The following UNC79 variants were observed in gnomAD, a reference collection of about 807,000 sequenced individuals.
UNC79 encodes the protein unc-79 subunit of NALCN channel complex, also known as protein unc-79 homolog.
In UNC79, 37 loss-of-function variants were observed where a neutral mutation model predicts 283.1. The observed-to-expected ratio is 0.13, with a 90% CI of 0.10 to 0.17. The LOEUF is 0.17. Ranked by LOEUF, UNC79 falls within the 10% of genes least tolerant of loss-of-function variation. The pLI, the probability that UNC79 is intolerant of heterozygous loss-of-function variation, is 1.00. For synonymous variants in UNC79, 1,107 were observed against 1,200.2 expected, an observed-to-expected ratio of 0.92 and a Z score of 1.61; for missense variants, 2,272 against 3,211.1, an observed-to-expected ratio of 0.71 and a Z score of 7.07.
chr14:93,476,441 A>G (rs1595566415), intron 3 of UNC79, among the ~76,000 whole-genome samples: 1 of 152,314 alleles, frequency 6.6e-6, no homozygotes, highest in East Asian at 1.9e-4. Flanking sequence ...AATTCTTAGT[A>G]AAACACCTGT....
At chr14:93,647,638 G>A (rs535224795) in intron 35 of UNC79, among the ~76,000 whole-genome samples, 17 of 152,246 alleles carry the variant, frequency 1.1e-4, no homozygotes, top group African/African-American at 2.9e-4. Context: ...AGATGAGAGG[G>A]AAGAGGCAGT....
chr14:93,525,729 A>G (rs554553374), intron 8 of UNC79, among the ~76,000 whole-genome samples: 100 of 152,202 alleles, frequency 6.6e-4, no homozygotes, highest in African/African-American at 2.3e-3. Context: ...GGTCACCCAG[A>G]CATCAACATG....
intron 7 of UNC79, among the ~76,000 whole-genome samples, chr14:93,516,079 A>G (rs1291394943): frequency 2.0e-5 from 3 of 151,928 alleles, no homozygotes; most frequent in Non-Finnish European, 2.9e-5. Context: ...TTTCAGTTCA[A>G]TTTGTTGAAA....
chr14:93,525,698 A>C (rs1395466464), intron 8 of UNC79, among the ~76,000 whole-genome samples: 1 of 152,014 alleles, frequency 6.6e-6, no homozygotes, highest in African/African-American at 2.4e-5. Flanking sequence ...CCTCCTGCCT[A>C]AGTTATAGCT....
chr14:93,365,404 A>AAT (rs71129632), intron 1 of UNC79, among the ~76,000 whole-genome samples: 44 of 148,012 alleles, frequency 3.0e-4, no homozygotes, highest in Non-Finnish European at 5.5e-4. Flanking sequence ...AAAAAAAAAA[A>AAT]TGTGATCAGA....
intron 1 of UNC79, among the ~76,000 whole-genome samples, chr14:93,364,376 C>A (rs1267481647): frequency 1.3e-5 from 2 of 151,896 alleles, no homozygotes; most frequent in South Asian, 2.1e-4. Flanking sequence ...ACTTGCTTTG[C>A]TCAATGTTAT....
chr14:93,400,880 A>G (rs984203226), intron 1 of UNC79, among the ~76,000 whole-genome samples: 1 of 152,222 alleles, frequency 6.6e-6, no homozygotes, highest in African/African-American at 2.4e-5. Context: ...ATTCTGAAAG[A>G]GACAAGACAG....
intron 1 of UNC79, among the ~76,000 whole-genome samples, chr14:93,466,524 A>G (rs1275641480): frequency 2.6e-5 from 4 of 152,210 alleles, no homozygotes; most frequent in Admixed American, 6.5e-5. Context: ...TTATGGGAAG[A>G]GGTCTCTAAG....
rs144063712 is a variant in UNC79, at chr14:93,444,031, C to A, written c.22+12980C>A. ...TATAAGGTATTTCTATACTATTTTG[C>A]AAAGTGGCTGTAAGGTTTTATGTTC... is the stretch of plus-strand genomic sequence containing the variant. On this transcript the variant is annotated intron_variant, in intron 1 of 48. Coordinates refer to ENST00000555664, the Ensembl canonical transcript of UNC79. Among the ~76,000 whole-genome samples the A allele has an allele frequency of 1.0e-3, 157 of 152,274 alleles. 2 individuals are homozygous for A. The South Asian group carries it at 0.016, about 16-fold the overall frequency.
chr14:93,472,101 A>G (rs1448542557), intron 2 of UNC79, among the ~76,000 whole-genome samples: 1 of 152,112 alleles, frequency 6.6e-6, no homozygotes, highest in Non-Finnish European at 1.5e-5. Context: ...CCACTTCTAT[A>G]AGATTCACAT....
intron 15 of UNC79, 99 bp downstream of exon 15, chr14:93,572,183 A>C (rs954940510): frequency 3.4e-5 from 43 of 1,282,840 alleles, no homozygotes; most frequent in Non-Finnish European, 4.1e-5. Context: ...CGTTTTATAT[A>C]ATCTCATTTA....
chr14:93,643,340 C>T (rs904598737), intron 33 of UNC79, among the ~76,000 whole-genome samples: 21 of 152,184 alleles, frequency 1.4e-4, no homozygotes, highest in African/African-American at 4.3e-4. Context: ...CATTTTCAGT[C>T]ATCAGAGGCA....
chr14:93,581,668 A>AT (rs1210426242), intron 19 of UNC79, among the ~76,000 whole-genome samples: 1 of 150,948 alleles, frequency 6.6e-6, no homozygotes, highest in African/African-American at 2.4e-5. Flanking sequence ...TAATTTTTGT[A>AT]TTTTTAGTAG....
intron 7 of UNC79, among the ~76,000 whole-genome samples, chr14:93,497,993 A>T (rs914806025): frequency 1.3e-5 from 2 of 151,864 alleles, no homozygotes; most frequent in African/African-American, 4.8e-5. Flanking sequence ...TAAAAAAAAA[A>T]TTAAGTGACC....
At chr14:93,612,759 A>G (rs1463050012) in intron 26 of UNC79, 38 bp from the exon 28 acceptor site, 2 of 1,597,278 alleles carry the variant, frequency 1.3e-6, no homozygotes, top group South Asian at 2.2e-5. Flanking sequence ...TTCACTTGTG[A>G]GTGAGCCACC....
exon 13 of UNC79, chr14:93,540,822 A>G: frequency 6.2e-7 from 1 of 1,612,634 alleles, no homozygotes; most frequent in Non-Finnish European, 8.5e-7. Context: ...AATTCGGAAT[A>G]TGGTTCTTAG....
chr14:93,486,767 ACT>A (rs2058465539), intron 4 of UNC79, among the ~76,000 whole-genome samples: 1 of 152,056 alleles, frequency 6.6e-6, no homozygotes, highest in Non-Finnish European at 1.5e-5. Flanking sequence ...GACTGGATAC[ACT>A]CTCTTAAACA....
intron 34 of UNC79, among the ~76,000 whole-genome samples, chr14:93,646,157 A>G (rs527424639): frequency 1.3e-5 from 2 of 152,154 alleles, no homozygotes; most frequent in Non-Finnish European, 2.9e-5. Context: ...CTTTTTCCTC[A>G]TTTCAACCCA....
intron 14 of UNC79, among the ~76,000 whole-genome samples, chr14:93,570,106 C>T (rs547414202): frequency 6.6e-6 from 1 of 152,250 alleles, no homozygotes; most frequent in Non-Finnish European, 1.5e-5. Flanking sequence ...ACCACCATGC[C>T]TGGCTAATTT....
Sources: allele counts gnomAD v4.1 joint callset (sites outside exome capture counted in the v4.1 genomes callset), GRCh38; gene constraint gnomAD v4.1.1; transcripts MANE v1.5; gene names NCBI Gene and HGNC (gene_info 2026-07-23, HGNC 2026-07-21).